Variants in SAMMSON observed in about 807,000 individuals in gnomAD.
The protein encoded by SAMMSON is long intergenic non-protein coding RNA 1212.
chr3:70,092,515 T>G (rs2067308550), intron 4 of SAMMSON, among the ~76,000 whole-genome samples: 1 of 151,596 alleles, frequency 6.6e-6, no homozygotes, highest in Admixed American at 6.6e-5. Flanking sequence ...GACATGATCA[T>G]CTCTCCTACA....
intron 9 of SAMMSON, among the ~76,000 whole-genome samples, chr3:70,379,529 C>T (rs1395812096): frequency 6.6e-6 from 1 of 152,130 alleles, no homozygotes; most frequent in Non-Finnish European, 1.5e-5. Flanking sequence ...CCCATGAGGA[C>T]TTCTGGAGCT....
chr3:70,396,670 T>C (rs1040324552), intron 2 of SAMMSON, among the ~76,000 whole-genome samples: 1 of 152,242 alleles, frequency 6.6e-6, no homozygotes, highest in Non-Finnish European at 1.5e-5. Flanking sequence ...AAATCTGTCT[T>C]GGAAATGTAA....
At chr3:70,406,510 T>C (rs1203925382) in intron 2 of SAMMSON, among the ~76,000 whole-genome samples, 1 of 152,038 alleles carries the variant, frequency 6.6e-6, no homozygotes, top group Non-Finnish European at 1.5e-5. Context: ...GTTGACTGCA[T>C]AAAGTAAAAA....
chr3:70,385,518 C>T (rs548921263), intron 9 of SAMMSON, among the ~76,000 whole-genome samples: 9 of 152,014 alleles, frequency 5.9e-5, no homozygotes, highest in Non-Finnish European at 8.8e-5. Context: ...ACATACAGCA[C>T]TCTGCTAGGC....
At chr3:70,177,663 G>A (rs1341073309) in intron 4 of SAMMSON, among the ~76,000 whole-genome samples, 1 of 152,124 alleles carries the variant, frequency 6.6e-6, no homozygotes, top group Non-Finnish European at 1.5e-5. Context: ...TGGACAATAT[G>A]CTAATTGCTT....
intron 3 of SAMMSON, among the ~76,000 whole-genome samples, chr3:70,063,030 G>T (rs1323393992): frequency 1.3e-5 from 2 of 151,894 alleles, no homozygotes; most frequent in Non-Finnish European, 2.9e-5. Context: ...TGAAGCACTT[G>T]GGAAGTTCTT....
At chr3:70,186,937 C>G (rs1372129412) in intron 4 of SAMMSON, among the ~76,000 whole-genome samples, 1 of 152,178 alleles carries the variant, frequency 6.6e-6, no homozygotes, top group Non-Finnish European at 1.5e-5. Flanking sequence ...AGTTTGAGTA[C>G]TAAGAACCAT....
chr3:70,205,772 T>C (rs929416023), intron 4 of SAMMSON: 1 of 152,146 alleles, frequency 6.6e-6, no homozygotes, highest in African/African-American at 2.4e-5. Context: ...TATTTAAATG[T>C]AGACCAGAAA....
chr3:70,362,286 A>G (rs1456207369), intron 9 of SAMMSON, among the ~76,000 whole-genome samples: 1 of 152,200 alleles, frequency 6.6e-6, no homozygotes, highest in East Asian at 1.9e-4. Context: ...ATTAGAAATT[A>G]ATTGATCTAA....
intron 4 of SAMMSON, among the ~76,000 whole-genome samples, chr3:70,210,979 T>C (rs568159672): frequency 6.6e-6 from 1 of 152,230 alleles, no homozygotes; most frequent in South Asian, 2.1e-4. Flanking sequence ...ACAGGAGCTA[T>C]TAATTTATTT....
At chr3:70,017,965 G>T (rs977728388) in intron 3 of SAMMSON, among the ~76,000 whole-genome samples, 3 of 152,152 alleles carry the variant, frequency 2.0e-5, no homozygotes, top group Non-Finnish European at 4.4e-5. Flanking sequence ...GCTTTTTGAT[G>T]TGTTGCTGGA....
intron 9 of SAMMSON, among the ~76,000 whole-genome samples, chr3:70,381,441 C>T (rs1703067466): frequency 6.6e-6 from 1 of 152,082 alleles, no homozygotes; most frequent in African/African-American, 2.4e-5. Flanking sequence ...TTGCAGGTTG[C>T]CAAAGAACTG....
At chr3:70,160,613 T>C (rs1297302322) in intron 4 of SAMMSON, among the ~76,000 whole-genome samples, 1 of 152,080 alleles carries the variant, frequency 6.6e-6, no homozygotes, top group African/African-American at 2.4e-5. Flanking sequence ...TAAATTTTGA[T>C]ATGAGTAAGT....
chr3:70,426,391 A>T (rs1292273882), intron 2 of SAMMSON, among the ~76,000 whole-genome samples: 1 of 152,234 alleles, frequency 6.6e-6, no homozygotes, highest in African/African-American at 2.4e-5. Flanking sequence ...AGGAACTATA[A>T]ACACTAAATC....
intron 3 of SAMMSON, among the ~76,000 whole-genome samples, chr3:70,054,386 G>T (rs942312705): frequency 6.6e-6 from 1 of 152,050 alleles, no homozygotes; most frequent in Non-Finnish European, 1.5e-5. Context: ...CACATAATTT[G>T]GTTCTCCAAA....
rs538281557 is a variant in SAMMSON, at chr3:70,305,229, T to C, written n.739+13986T>C. ...GGGCATATTTTCACATCTTTTTTTT[T>C]CCGTCGGCTATGCTTAAAAACAAAA... is the stretch of plus-strand genomic sequence containing the variant. On this transcript the variant is annotated intron_variant and non_coding_transcript_variant, in intron 7 of 9. Coordinates refer to ENST00000642114, the Ensembl canonical transcript of SAMMSON. 7.5e-4 allele frequency among the ~76,000 whole-genome samples: 115 copies of C among 152,336 alleles called. 1 individual carries two copies. Among genetic ancestry groups the C allele is most frequent in the African/African-American group, 2.6e-3 (110 of 41,580 alleles).
chr3:70,073,998 T>G (rs2067239325), intron 4 of SAMMSON, among the ~76,000 whole-genome samples: 1 of 152,020 alleles, frequency 6.6e-6, no homozygotes. Flanking sequence ...GCTAAAATCG[T>G]TAGCTACTAC....
chr3:70,198,346 G>T (rs1165780574), intron 4 of SAMMSON, among the ~76,000 whole-genome samples: 1 of 152,052 alleles, frequency 6.6e-6, no homozygotes, highest in Non-Finnish European at 1.5e-5. Context: ...TAAGCATATA[G>T]AAGAGATTTT....
chr3:70,033,469 G>A (rs535381686), intron 3 of SAMMSON, among the ~76,000 whole-genome samples: 1 of 152,258 alleles, frequency 6.6e-6, no homozygotes, highest in African/African-American at 2.4e-5. Context: ...AGATGATGAA[G>A]CATCAGAGTA....
Sources: gnomAD v4.1 joint callset for allele counts (sites outside exome capture counted in the v4.1 genomes callset) on GRCh38, gnomAD v4.1.1 for gene constraint, MANE v1.5 for transcripts, NCBI Gene and HGNC (gene_info 2026-07-23, HGNC 2026-07-21) for gene names.